Variants in CDH8 observed in about 807,000 individuals in gnomAD.
CDH8 encodes the protein cadherin-8.
Under a neutral mutation model 68.1 loss-of-function variants are expected in CDH8, and 17 were observed. That is an observed-to-expected ratio of 0.25 (90% CI 0.17 to 0.37). The LOEUF (loss-of-function observed/expected upper bound fraction) is 0.37. Among genes scored for constraint, CDH8 ranks in the 10% least tolerant of loss-of-function variants. The probability of loss-of-function intolerance (pLI) is 1.00; values close to 1 mark genes in which losing one functional copy is unlikely to be tolerated. For missense variants in CDH8, 763 were observed against 999.3 expected (o/e 0.76, Z 3.19); for synonymous variants, 372 against 365.1 (o/e 1.02, Z -0.21).
At chr16:61,783,312 C>T (rs1359034213) in intron 8 of CDH8, among the ~76,000 whole-genome samples, 18 of 122,638 alleles carry the variant, frequency 1.5e-4, no homozygotes, top group African/African-American at 3.4e-4. Context: ...GGAGCCGATG[C>T]GATCAACTGG....
intron 2 of CDH8, among the ~76,000 whole-genome samples, chr16:61,958,771 C>T (rs751536343): frequency 1.6e-4 from 24 of 152,164 alleles, no homozygotes; most frequent in Admixed American, 1.6e-3. Context: ...ACATTCTCCA[C>T]ATCTGAGATT....
intron 8 of CDH8, among the ~76,000 whole-genome samples, chr16:61,786,256 TC>T: frequency 1.6e-5 from 1 of 63,518 alleles, no homozygotes; most frequent in South Asian, 7.4e-4. Context: ...GGATACAAAA[TC>T]AATGTACAAA....
At chr16:61,912,812 G>A (rs1597060289) in intron 2 of CDH8, among the ~76,000 whole-genome samples, 1 of 152,002 alleles carries the variant, frequency 6.6e-6, no homozygotes, top group Admixed American at 6.6e-5. Flanking sequence ...ATATATACAT[G>A]AAAGCTTTTT....
chr16:61,817,847 T>A (rs2143000126), intron 6 of CDH8, 115 bp from the exon 7 acceptor site: 1 of 961,100 alleles, frequency 1.0e-6, no homozygotes, highest in Non-Finnish European at 1.5e-6. Context: ...TTGTGAGCCT[T>A]AATGGGATCA....
intron 2 of CDH8, among the ~76,000 whole-genome samples, chr16:61,915,629 G>A (rs1964226929): frequency 6.6e-6 from 1 of 152,162 alleles, no homozygotes; most frequent in African/African-American, 2.4e-5. Flanking sequence ...TGTTTTTAAA[G>A]ATACATTTTA....
intron 4 of CDH8, among the ~76,000 whole-genome samples, chr16:61,831,722 A>C (rs138928728): frequency 1.3e-5 from 2 of 151,906 alleles, no homozygotes; most frequent in East Asian, 3.9e-4. Flanking sequence ...AGGCAAGGGG[A>C]TGCTGATTGA....
intron 1 of CDH8, among the ~76,000 whole-genome samples, chr16:62,023,275 C>T (rs112806327): frequency 1.6e-4 from 24 of 152,164 alleles, no homozygotes; most frequent in African/African-American, 5.1e-4. Flanking sequence ...TCTCTAGACC[C>T]GAGCGAGAAG....
At chr16:61,930,608 A>T (rs1964527148) in intron 2 of CDH8, among the ~76,000 whole-genome samples, 1 of 152,192 alleles carries the variant, frequency 6.6e-6, no homozygotes, top group African/African-American at 2.4e-5. Flanking sequence ...ATCATTCACA[A>T]ACCTTAGGAG....
chr16:61,739,328 A>G (rs575380895), intron 8 of CDH8, among the ~76,000 whole-genome samples: 5 of 152,138 alleles, frequency 3.3e-5, no homozygotes, highest in Non-Finnish European at 5.9e-5. Context: ...ACTTTACAAC[A>G]TAGTGACCCC....
intron 3 of CDH8, among the ~76,000 whole-genome samples, chr16:61,865,065 T>A (rs1963228215): frequency 6.6e-6 from 1 of 152,150 alleles, no homozygotes. Flanking sequence ...TCACTGGGTG[T>A]TCTCCTTATG....
chr16:62,004,837 T>C lies in CDH8; in HGVS notation c.252+16315A>G, dbSNP rs149230810. ...AGTTTTCAGGGGAGAAAGAGGACAA[T>C]CTCTCTTAGCCCAAGCCCTTGCTAG... On this transcript the variant is annotated intron_variant, in intron 2 of 11. Coordinates refer to ENST00000577390, the MANE Select transcript of CDH8 (RefSeq NM_001796.5). Among the ~76,000 whole-genome samples the C allele has an allele frequency of 5.3e-5, 8 of 152,362 alleles. No homozygotes were observed. In the East Asian group the frequency reaches 9.7e-4, roughly 18 times the overall value.
Position 61,648,065 on chromosome 16 carries a change from C to T in CDH8, c.*5543G>A. The T allele has an allele frequency of 1.9e-6, 1 of 526,376 alleles. No individual in the cohort carries two copies. Among genetic ancestry groups the T allele is most frequent in the Non-Finnish European group, 3.4e-6 (1 of 296,538 alleles). The allele number at this position is 526,376 out of a possible 1,614,324, so 32.6% of individuals were successfully genotyped here. ...TAACCTTGAGACCTAGATGAAACTT[C>T]CACACATAAAGGAAGGAGGAGAATA... On this transcript the variant is annotated 3_prime_UTR_variant, in exon 12 of 12. Coordinates refer to ENST00000577390, the MANE Select transcript of CDH8 (RefSeq NM_001796.5).
intron 3 of CDH8, among the ~76,000 whole-genome samples, chr16:61,871,026 T>C (rs1216603207): frequency 6.6e-6 from 1 of 152,130 alleles, no homozygotes; most frequent in Non-Finnish European, 1.5e-5. Flanking sequence ...ACTCGATAAA[T>C]GTTTTTAATT....
chr16:62,028,586 A>G (rs536514535), intron 1 of CDH8, among the ~76,000 whole-genome samples: 1 of 152,196 alleles, frequency 6.6e-6, no homozygotes, highest in Non-Finnish European at 1.5e-5. Context: ...CCAGTGACAA[A>G]GACAATAAAG....
At chr16:61,682,981 C>T (rs1964041194) in intron 10 of CDH8, among the ~76,000 whole-genome samples, 1 of 151,914 alleles carries the variant, frequency 6.6e-6, no homozygotes, top group African/African-American at 2.4e-5. Context: ...ATAACTGGGA[C>T]TTGCTTCAAA....
At chr16:61,903,449 G>A (rs1432543077) in intron 2 of CDH8, among the ~76,000 whole-genome samples, 1 of 152,154 alleles carries the variant, frequency 6.6e-6, no homozygotes, top group African/African-American at 2.4e-5. Context: ...TCAGCCGCCC[G>A]AGTAGCTGGG....
intron 4 of CDH8, among the ~76,000 whole-genome samples, chr16:61,836,119 G>A (rs574781261): frequency 2.2e-4 from 34 of 151,768 alleles, no homozygotes; most frequent in Non-Finnish European, 3.7e-4. Context: ...AATGCCTGTC[G>A]TGCTTCAAAG....
At position 61,652,181 on chromosome 16, in the gene CDH8, G is replaced by C; in HGVS notation, c.*1427C>G. 2 of 982,128 alleles carry C rather than the reference G, an allele frequency of 2.0e-6. No homozygotes were observed. The highest frequency in any genetic ancestry group is 2.4e-6 in the Non-Finnish European group (2 of 826,976). 60.8% of individuals were successfully genotyped at this position (982,128 alleles called of 1,614,324 possible). A position where few individuals can be genotyped will look rare whatever the true frequency, so the allele number is the denominator to read the frequency against. ...TTTTCTACTCCTAAATGGCAGGTTT[G>C]CATTACAAATTAAATATGCTCACAT... On this transcript the variant is annotated 3_prime_UTR_variant, in exon 12 of 12. Transcript: ENST00000577390.
chr16:62,029,753 G>T (rs1220490034), intron 1 of CDH8, among the ~76,000 whole-genome samples: 3 of 152,148 alleles, frequency 2.0e-5, no homozygotes, highest in Non-Finnish European at 4.4e-5. Flanking sequence ...AGCACAAGTG[G>T]AAAGTCTCTA....
Sources: gnomAD v4.1 joint callset for allele counts (sites outside exome capture counted in the v4.1 genomes callset) on GRCh38, gnomAD v4.1.1 for gene constraint, MANE v1.5 for transcripts, NCBI Gene and HGNC (gene_info 2026-07-23, HGNC 2026-07-21) for gene names.